BRCC3: variants seen among roughly 807,000 people sequenced by gnomAD.
BRCC3 encodes the protein lys-63-specific deubiquitinase BRCC36.
In BRCC3, 15 loss-of-function variants were observed where a neutral mutation model predicts 28.0. The ratio of observed to expected loss-of-function variants is 0.54; its 90% confidence interval spans 0.36 to 0.82. The LOEUF (loss-of-function observed/expected upper bound fraction) is 0.82. BRCC3 is among the 40% of genes least tolerant of loss of function. The pLI is 0.01. For missense variants in BRCC3, 109 were observed against 225.9 expected, an observed-to-expected ratio of 0.48 and a Z score of 3.32; for synonymous variants, 66 against 80.3, an observed-to-expected ratio of 0.82 and a Z score of 0.95.
chrX:155,098,717 T>C (rs1222077789), intron 7 of BRCC3, among the ~76,000 whole-genome samples: 1 of 112,611 alleles, frequency 8.9e-6, no homozygotes, highest in Non-Finnish European at 1.9e-5. Flanking sequence ...ACTTAAAACA[T>C]AGTCAATTTT....
intron 7 of BRCC3, among the ~76,000 whole-genome samples, chrX:155,114,123 G>T (rs2074339444): frequency 9.0e-6 from 1 of 111,133 alleles, no homozygotes; most frequent in African/African-American, 3.3e-5. Flanking sequence ...ATATCCAAAA[G>T]AATTAAAAGC....
In BRCC3 at chrX:155,116,816, G is replaced by A. The variant is rs782211739; in HGVS notation, c.724+62G>A. ...GACTATTTCCCTGAAACACTCAGCT[G>A]ACAGATGCAAATTTAGTTTAAGTGA... On this transcript the variant is annotated intron_variant, in intron 9 of 10. Coordinates refer to ENST00000330045, the MANE Select transcript of BRCC3 (RefSeq NM_001018055.3). 10 of 865,298 alleles carry A rather than the reference G, an allele frequency of 1.2e-5. No individual in the cohort carries two copies. In the African/African-American group the frequency reaches 1.8e-4, roughly 16 times the overall value. 71.3% of individuals were successfully genotyped at this position (865,298 alleles called of 1,213,427 possible).
At chrX:155,089,752 T>C (rs2074162845) in intron 6 of BRCC3, among the ~76,000 whole-genome samples, 2 of 112,066 alleles carry the variant, frequency 1.8e-5, no homozygotes, top group Non-Finnish European at 3.8e-5. Flanking sequence ...CTCATTTAGT[T>C]GTCCTAAACA....
At chrX:155,092,358 C>T (rs781868988) in intron 7 of BRCC3, among the ~76,000 whole-genome samples, 1 of 111,575 alleles carries the variant, frequency 9.0e-6, no homozygotes. Context: ...GTAGTTTTAC[C>T]CTAAGCATTT....
chrX:155,073,297 T>C, intron 2 of BRCC3, 80 bp from the exon 3 acceptor site: 3 of 1,040,835 alleles, frequency 2.9e-6, no homozygotes, highest in Non-Finnish European at 3.9e-6. Context: ...CAAAAACAGT[T>C]AATCCTGTTA....
chrX:155,091,365 G>A (rs1557295632), intron 7 of BRCC3, among the ~76,000 whole-genome samples: 2 of 109,158 alleles, frequency 1.8e-5, no homozygotes, highest in Non-Finnish European at 3.8e-5. Context: ...TCCACCTCCC[G>A]GGTTCATGCA....
In BRCC3 at chrX:155,116,138, G is replaced by T; in HGVS notation, c.630G>T (p.Leu210=). The part of the protein sequence containing the change: ...GKVCLESAVE[L]PKILCQEEQD... ...TGTGCCTTGAATCAGCAGTAGAGCT[G>T]CCCAAGATCCTGTGCCAGGAGGAGC... Residue 210 remains leucine (L), a synonymous_variant, in exon 8 of 11, where the codon CTG becomes CTT. Coordinates refer to ENST00000330045, the MANE Select transcript of BRCC3 (RefSeq NM_001018055.3). 1 of 1,205,441 alleles carries T rather than the reference G, an allele frequency of 8.3e-7. No homozygotes were observed. Among genetic ancestry groups the T allele is most frequent in the Non-Finnish European group, 1.1e-6 (1 of 892,056 alleles).
chrX:155,075,832 T>G (rs987618912), intron 3 of BRCC3, among the ~76,000 whole-genome samples: 6 of 111,934 alleles, frequency 5.4e-5, no homozygotes, highest in African/African-American at 1.3e-4. Context: ...CCAACTTTCT[T>G]AGCTTTGCCA....
At chrX:155,071,775 C>T in intron 1 of BRCC3, 125 bp downstream of exon 1, 1 of 789,213 alleles carries the variant, frequency 1.3e-6, no homozygotes, top group South Asian at 2.7e-5. Context: ...CCTTGGACAC[C>T]CTTTACATAG....
At chrX:155,111,634 A>G (rs1163510484) in intron 7 of BRCC3, among the ~76,000 whole-genome samples, 1 of 112,237 alleles carries the variant, frequency 8.9e-6, no homozygotes, top group Non-Finnish European at 1.9e-5. Flanking sequence ...TCTAAATAGA[A>G]GAGCTAAAAC....
At chrX:155,106,304 A>G (rs1557297560) in intron 7 of BRCC3, among the ~76,000 whole-genome samples, 1 of 110,911 alleles carries the variant, frequency 9.0e-6, no homozygotes, top group South Asian at 3.7e-4. Context: ...TTTTGCTTGT[A>G]TATTTGAAGG....
At chrX:155,105,401 T>A (rs1177174806) in intron 7 of BRCC3, among the ~76,000 whole-genome samples, 7 of 111,622 alleles carry the variant, frequency 6.3e-5, no homozygotes, top group African/African-American at 9.8e-5. Flanking sequence ...GAGAATTGCT[T>A]GAACCCGGGA....
At chrX:155,089,163 T>A (rs899975483) in intron 5 of BRCC3, 100 bp from the exon 6 acceptor site, 1 of 538,106 alleles carries the variant, frequency 1.9e-6, no homozygotes, top group Non-Finnish European at 3.1e-6. Flanking sequence ...GAAGATTATA[T>A]GTTGCTGTTA....
rs1214544286 is a variant in BRCC3 at position 155,101,892 on chromosome X, T to G, written c.548+11053T>G. Among the ~76,000 whole-genome samples, 4 of 112,326 alleles carry G rather than the reference T, an allele frequency of 3.6e-5. No individual in the cohort carries two copies. The Admixed American group carries it at 3.8e-4, about 11-fold the overall frequency. On this transcript the variant is annotated intron_variant, in intron 7 of 10. Coordinates refer to ENST00000330045, the MANE Select transcript of BRCC3 (RefSeq NM_001018055.3). ...ACAGATTGGTCTTCATTTTCTAGAT[T>G]TTTTTGTATATGGAATCATAGAGTA... is the stretch of plus-strand genomic sequence containing the variant.
chrX:155,105,353 CAT>C (rs1569560557), intron 7 of BRCC3, among the ~76,000 whole-genome samples: 1 of 111,399 alleles, frequency 9.0e-6, no homozygotes, highest in Non-Finnish European at 1.9e-5. Context: ...TGTGGTGGCG[CAT>C]GCCTGTAATC....
chrX:155,101,518 GTT>G (rs1674503959), intron 7 of BRCC3, among the ~76,000 whole-genome samples: 1 of 111,984 alleles, frequency 8.9e-6, no homozygotes, highest in African/African-American at 3.2e-5. Context: ...CTAAGAAAGA[GTT>G]TTCTCTTCTG....
At chrX:155,090,889 C>G in intron 7 of BRCC3, 50 bp downstream of exon 7, 1 of 910,302 alleles carries the variant, frequency 1.1e-6, no homozygotes. Flanking sequence ...ATCTCCAATT[C>G]AGAGAATTTA....
At chrX:155,101,293 C>T (rs1557296868) in intron 7 of BRCC3, among the ~76,000 whole-genome samples, 1 of 111,517 alleles carries the variant, frequency 9.0e-6, no homozygotes, top group East Asian at 2.8e-4. Flanking sequence ...ATACTGCACC[C>T]TTTTATATCA....
At chrX:155,080,268 T>C (rs2074075513) in intron 5 of BRCC3, among the ~76,000 whole-genome samples, 1 of 111,442 alleles carries the variant, frequency 9.0e-6, no homozygotes, top group Admixed American at 9.6e-5. Flanking sequence ...AATTTGGTGG[T>C]AAAAAGAAAT....
Sources: gnomAD v4.1 joint callset for allele counts (sites outside exome capture counted in the v4.1 genomes callset) on GRCh38, gnomAD v4.1.1 for gene constraint, MANE v1.5 for transcripts, NCBI Gene and HGNC (gene_info 2026-07-23, HGNC 2026-07-21) for gene names.